Variants in RPGRIP1 observed in about 807,000 individuals in gnomAD.
RPGRIP1 encodes RPGR interacting protein 1.
Under a neutral mutation model 157.9 loss-of-function variants are expected in RPGRIP1, and 128 were observed. The observed-to-expected ratio is 0.81, with a 90% CI of 0.70 to 0.94. The LOEUF (loss-of-function observed/expected upper bound fraction) is 0.94, where lower values mean the gene tolerates loss of function less well. Ranked by LOEUF, RPGRIP1 falls within the 40% of genes least tolerant of loss-of-function variation. The probability of loss-of-function intolerance (pLI) is 0.00; values close to 1 mark genes in which losing one functional copy is unlikely to be tolerated. For missense variants in RPGRIP1, 1,486 were observed against 1,545.8 expected (o/e 0.96, Z 0.65); for synonymous variants, 554 against 571.6 (o/e 0.97, Z 0.44).
intron 6 of RPGRIP1, 85 bp downstream of exon 6, chr14:21,303,628 A>G: frequency 9.8e-7 from 1 of 1,020,736 alleles, no homozygotes; most frequent in Non-Finnish European, 1.5e-6. Flanking sequence ...TCCATCTCAG[A>G]GGAAAAGAGT....
chr14:21,294,615 T>C (rs1439435503), intron 2 of RPGRIP1, 62 bp from the exon 3 acceptor site: 2 of 1,526,178 alleles, frequency 1.3e-6, no homozygotes, highest in Non-Finnish European at 1.8e-6. Flanking sequence ...TGATGAGACA[T>C]CTAAAGGGTT....
chr14:21,332,360 G>A (rs1021435099), intron 20 of RPGRIP1, among the ~76,000 whole-genome samples: 27 of 152,182 alleles, frequency 1.8e-4, no homozygotes, highest in Admixed American at 1.4e-3. Context: ...TGATTTCTCC[G>A]TCAAAGTTTA....
At chr14:21,291,958 CCAT>C (rs1470901464) in intron 2 of RPGRIP1, among the ~76,000 whole-genome samples, 1 of 152,094 alleles carries the variant, frequency 6.6e-6, no homozygotes, top group Non-Finnish European at 1.5e-5. Context: ...CGGGGTTTCA[CCAT>C]GTTGGTCACG....
chr14:21,348,267 A>G lies in RPGRIP1; in HGVS notation c.3713A>G (p.Glu1238Gly). The G allele has an allele frequency of 6.3e-7, 1 of 1,587,700 alleles. No homozygotes were observed. Reference protein sequence around the residue: ...YAYLQLWQILESGRDILEQEL... With the variant: ...YAYLQLWQILGSGRDILEQEL... ...TATCTTCAACTGTGGCAGATCCTGG[A>G]GTCAGGAAGAGATATTCTAGAGCAA... is the stretch of plus-strand genomic sequence containing the variant. Residue 1238 changes from glutamate (E) to glycine (G), a missense_variant, in exon 24 of 25, where the codon GAG becomes GGG. Coordinates refer to ENST00000400017, the MANE Select transcript of RPGRIP1 (RefSeq NM_020366.4).
At chr14:21,307,066 A>C (rs1248531355) in intron 6 of RPGRIP1, among the ~76,000 whole-genome samples, 1 of 150,928 alleles carries the variant, frequency 6.6e-6, no homozygotes, top group Non-Finnish European at 1.5e-5. Flanking sequence ...GAGCCACCGC[A>C]CTCGGCCACT....
chr14:21,288,451 T>G (rs10141168), intron 2 of RPGRIP1, among the ~76,000 whole-genome samples: 74,769 of 150,654 alleles, frequency 0.5, 18,589 homozygotes, highest in South Asian at 0.58. Flanking sequence ...AAAGGGCTGG[T>G]ATTACAGGTG....
Position 21,342,665 on chromosome 14 carries a change from C to T in RPGRIP1, c.3340-371C>T, listed in dbSNP as rs112495797. On this transcript the variant is annotated intron_variant, in intron 21 of 24. Coordinates refer to ENST00000400017, the MANE Select transcript of RPGRIP1 (RefSeq NM_020366.4). Reference sequence around the variant, plus strand: ...TCCACTGTGGTGAAGCCTGGAGCGACGCACATTGTTCCCACCAAGCAACCT... The same window carrying T: ...TCCACTGTGGTGAAGCCTGGAGCGATGCACATTGTTCCCACCAAGCAACCT... Among the ~76,000 whole-genome samples the T allele has an allele frequency of 1.1e-3, 162 of 152,134 alleles. 1 individual carries two copies. The highest frequency in any genetic ancestry group is 3.7e-3 in the African/African-American group (154 of 41,494).
At chr14:21,286,125 G>A (rs1594368060) in intron 1 of RPGRIP1, among the ~76,000 whole-genome samples, 1 of 151,972 alleles carries the variant, frequency 6.6e-6, no homozygotes, top group South Asian at 2.1e-4. Flanking sequence ...GAGTAGCTGC[G>A]ATTAAAGGCA....
At chr14:21,315,279 G>A (rs1307602105) in intron 10 of RPGRIP1, among the ~76,000 whole-genome samples, 1 of 151,962 alleles carries the variant, frequency 6.6e-6, no homozygotes, top group Non-Finnish European at 1.5e-5. Flanking sequence ...AGGCCGAGGT[G>A]GGTGGATCAC....
chr14:21,297,640 T>C (rs1234481094), intron 3 of RPGRIP1, among the ~76,000 whole-genome samples: 1 of 152,152 alleles, frequency 6.6e-6, no homozygotes, highest in African/African-American at 2.4e-5. Flanking sequence ...GCTGGGCTTA[T>C]TCATTACAGC....
At position 21,320,121 on chromosome 14, in the gene RPGRIP1, A is replaced by C. The variant is rs763760918; in HGVS notation, c.1411A>C (p.Arg471=). ...AGCCACAATTTCCCAACCTCCTGAC[A>C]GGCAATCTGAACCAGCCACTCACCC... ...NAATISQPPD[R]QSEPATHPAV... Residue 471 remains arginine, a synonymous_variant, in exon 12 of 25, where the codon AGG becomes CGG. Coordinates refer to ENST00000400017, the MANE Select transcript of RPGRIP1 (RefSeq NM_020366.4). 6.2e-7 allele frequency: 1 copy of C among 1,613,914 alleles called. No homozygotes were observed. The highest frequency in any genetic ancestry group is 8.5e-7 in the Non-Finnish European group (1 of 1,179,844).
At chr14:21,336,060 G>A (rs1400964250) in intron 21 of RPGRIP1, among the ~76,000 whole-genome samples, 1 of 152,142 alleles carries the variant, frequency 6.6e-6, no homozygotes, top group East Asian at 1.9e-4. Flanking sequence ...GAGGTAGATT[G>A]TGTAATATAA....
At position 21,327,790 on chromosome 14, in the gene RPGRIP1, G is replaced by T. The variant is rs35810926; in HGVS notation, c.2878G>T (p.Ala960Ser). ...SSKISSEEEK[A>S]SFPSQDQMAS... ...AAAGATCTCATCTGAAGAGGAAAAGGCTTCATTTCCTTCCCAGGTAACTCT... is the reference window on the plus strand; with the variant it reads ...AAAGATCTCATCTGAAGAGGAAAAGTCTTCATTTCCTTCCCAGGTAACTCT... The change falls in exon 18 of 25, where the codon GCT becomes TCT. Residue 960 changes from alanine to serine, a missense_variant. By Grantham distance (99) the Ala-to-Ser change is moderately conservative (BLOSUM62 1). Coordinates refer to ENST00000400017, the MANE Select transcript of RPGRIP1 (RefSeq NM_020366.4). 1.2e-5 allele frequency: 19 copies of T among 1,597,026 alleles called. No homozygotes were observed. The highest frequency in any genetic ancestry group is 2.2e-5 in the East Asian group (1 of 44,720).
intron 6 of RPGRIP1, among the ~76,000 whole-genome samples, chr14:21,305,851 ACT>A (rs979212206): frequency 6.6e-6 from 1 of 152,034 alleles, no homozygotes; most frequent in African/African-American, 2.4e-5. Flanking sequence ...ACAGAGCAAG[ACT>A]CTGTCTCAAA....
chr14:21,300,007 C>A (rs1024325330), intron 3 of RPGRIP1, among the ~76,000 whole-genome samples: 2 of 152,146 alleles, frequency 1.3e-5, no homozygotes, highest in Non-Finnish European at 2.9e-5. Context: ...ACTTAATAAC[C>A]TCCAAAGGCC....
chr14:21,309,731 A>G (rs1317569397), intron 7 of RPGRIP1, among the ~76,000 whole-genome samples: 1 of 152,178 alleles, frequency 6.6e-6, no homozygotes, highest in African/African-American at 2.4e-5. Flanking sequence ...TTTATCCTAC[A>G]AACAGCAGAG....
At chr14:21,307,595 T>A in intron 6 of RPGRIP1, 136 bp from the exon 7 acceptor site, 2 of 624,092 alleles carry the variant, frequency 3.2e-6, no homozygotes, top group Non-Finnish European at 5.8e-6. Context: ...ATACACCACA[T>A]ACTTGTGTTC....
At chr14:21,301,608 C>T (rs369525261) in intron 4 of RPGRIP1, among the ~76,000 whole-genome samples, 4 of 151,260 alleles carry the variant, frequency 2.6e-5, no homozygotes, top group East Asian at 1.9e-4. Context: ...ACTCGGGAGG[C>T]GGAGGTTGCA....
At chr14:21,289,702 T>C (rs967438880) in intron 2 of RPGRIP1, among the ~76,000 whole-genome samples, 3 of 151,984 alleles carry the variant, frequency 2.0e-5, no homozygotes, top group Non-Finnish European at 4.4e-5. Flanking sequence ...TACTTTTGAG[T>C]ATAAAATTGG....
Sources: allele counts gnomAD v4.1 joint callset (sites outside exome capture counted in the v4.1 genomes callset), GRCh38; gene constraint gnomAD v4.1.1; transcripts MANE v1.5; gene names NCBI Gene and HGNC (gene_info 2026-07-23, HGNC 2026-07-21).